Variants in WDR26 observed in about 807,000 individuals in gnomAD.
The protein encoded by WDR26 is WD repeat-containing protein 26.
A neutral mutation model predicts 84.1 loss-of-function variants in WDR26; 5 were observed. The observed-to-expected ratio is 0.06, with a 90% CI of 0.03 to 0.13. The LOEUF is 0.13. Ranked by LOEUF, WDR26 falls within the 10% of genes least tolerant of loss-of-function variation. The probability of loss-of-function intolerance (pLI) is 1.00; values close to 1 mark genes in which losing one functional copy is unlikely to be tolerated. For synonymous variants in WDR26, 415 were observed against 389.6 expected, an observed-to-expected ratio of 1.07 and a Z score of -0.77; for missense variants, 642 against 974.9, an observed-to-expected ratio of 0.66 and a Z score of 4.55.
At chr1:224,408,633 C>CTTTTTTT (rs67639407) in intron 7 of WDR26, among the ~76,000 whole-genome samples, 2 of 115,856 alleles carry the variant, frequency 1.7e-5, no homozygotes, top group African/African-American at 3.1e-5. Flanking sequence ...TCATCCCATT[C>CTTTTTTT]TTTTTTTTTT....
At chr1:224,405,883 G>C (rs1216673775) in intron 7 of WDR26, among the ~76,000 whole-genome samples, 1 of 152,226 alleles carries the variant, frequency 6.6e-6, no homozygotes, top group Non-Finnish European at 1.5e-5. Context: ...GGAATATACA[G>C]TGTGATATTT....
Position 224,389,584 on chromosome 1 carries a change from A to G in WDR26, c.*251T>C. On this transcript the variant is annotated 3_prime_UTR_variant, in exon 14 of 14. Coordinates refer to ENST00000414423, the MANE Select transcript of WDR26 (RefSeq NM_001379403.1). ...CAATGGGTAAGCCTGAATGTAGCAC[A>G]GTTCTTCACAACCGATGGGGGAATA... 1 of 578,008 alleles carries G rather than the reference A, an allele frequency of 1.7e-6. No homozygotes were observed. The highest frequency in any genetic ancestry group is 2.2e-5 in the South Asian group (1 of 45,694). 35.8% of individuals were successfully genotyped at this position (578,008 alleles called of 1,614,324 possible).
intron 3 of WDR26, among the ~76,000 whole-genome samples, chr1:224,426,195 C>T (rs1204501784): frequency 6.6e-6 from 1 of 152,108 alleles, no homozygotes; most frequent in Non-Finnish European, 1.5e-5. Flanking sequence ...AAATACACTG[C>T]TGTCACGAAA....
chr1:224,405,094 T>TC (rs1673516063), intron 7 of WDR26, among the ~76,000 whole-genome samples: 1 of 152,086 alleles, frequency 6.6e-6, no homozygotes, highest in Admixed American at 6.6e-5. Context: ...GCCATACCCC[T>TC]CCCTGCAGCC....
chr1:224,423,956 G>A (rs1246192045), intron 4 of WDR26, among the ~76,000 whole-genome samples: 1 of 152,162 alleles, frequency 6.6e-6, no homozygotes, highest in Non-Finnish European at 1.5e-5. Context: ...ATGTGGCGAG[G>A]TACAGTGACT....
At chr1:224,401,154 C>T in intron 8 of WDR26, 85 bp from the exon 9 acceptor site, 1 of 1,375,756 alleles carries the variant, frequency 7.3e-7, no homozygotes, top group Non-Finnish European at 9.9e-7. Context: ...ACTGGGATGT[C>T]TGGCTGGTTT....
Position 224,424,646 on chromosome 1 carries a change from C to A in WDR26, c.936G>T (p.Lys312Asn). The change falls in exon 4 of 14, where the codon AAG becomes AAT. Residue 312 changes from lysine to asparagine, a missense_variant. Physicochemically the swap from Lys to Asn is moderately conservative, Grantham distance 94. This residue lies in a region of WDR26 where 351 missense variants were observed against 672.8 expected (regional missense o/e 0.52). Transcript: ENST00000414423. ...GGTACTTCTGCTGCAGCAGCAAAAACTTCATCCTCTGACATGACAGAAAGC... is the reference window on the plus strand; with the variant it reads ...GGTACTTCTGCTGCAGCAGCAAAAAATTCATCCTCTGACATGACAGAAAGC... 6.2e-7 allele frequency: 1 copy of A among 1,614,166 alleles called. No individual in the cohort carries two copies. Among genetic ancestry groups the A allele is most frequent in the Non-Finnish European group, 8.5e-7 (1 of 1,180,004 alleles).
At position 224,392,315 on chromosome 1, in the gene WDR26, C is replaced by T. The variant is rs560480896; in HGVS notation, c.2260+1513G>A. Among the ~76,000 whole-genome samples, 60 of 151,180 alleles carry T rather than the reference C, an allele frequency of 4.0e-4. 1 individual carries two copies. The South Asian group carries it at 0.011, about 27-fold the overall frequency. ...GGCGGAGCTTGCAGTGAGCCGAGATCGCACCACTGTACACTGGGAGAGAGC... is the reference window on the plus strand; with the variant it reads ...GGCGGAGCTTGCAGTGAGCCGAGATTGCACCACTGTACACTGGGAGAGAGC... On this transcript the variant is annotated intron_variant, in intron 13 of 13. Coordinates refer to ENST00000414423, the MANE Select transcript of WDR26 (RefSeq NM_001379403.1).
intron 8 of WDR26, 111 bp downstream of exon 8, chr1:224,404,319 T>C (rs1310956242): frequency 1.1e-5 from 14 of 1,300,784 alleles, no homozygotes; most frequent in African/African-American, 3.0e-5. Context: ...AGATACAGTA[T>C]AGTAATTTAG....
chr1:224,421,838 C>G (rs1046852778), intron 4 of WDR26, among the ~76,000 whole-genome samples: 5 of 152,176 alleles, frequency 3.3e-5, no homozygotes, highest in African/African-American at 1.2e-4. Flanking sequence ...ACTTTGGAAT[C>G]AGTCAAACCA....
At chr1:224,426,592 G>A (rs955496205) in intron 3 of WDR26, among the ~76,000 whole-genome samples, 1 of 150,172 alleles carries the variant, frequency 6.7e-6, no homozygotes, top group African/African-American at 2.5e-5. Flanking sequence ...CATACAGCCT[G>A]AAGTTAACCT....
chr1:224,408,319 T>A (rs1340977503), intron 7 of WDR26, among the ~76,000 whole-genome samples: 1 of 152,156 alleles, frequency 6.6e-6, no homozygotes, highest in Non-Finnish European at 1.5e-5. Flanking sequence ...TCCAGTAGGC[T>A]CTCTTTGATG....
chr1:224,414,634 T>C (rs1457130669), intron 6 of WDR26, among the ~76,000 whole-genome samples: 1 of 152,084 alleles, frequency 6.6e-6, no homozygotes, highest in Non-Finnish European at 1.5e-5. Context: ...AAGAAAGTAA[T>C]AAAAATTAGC....
At chr1:224,392,844 G>A (rs572258821) in intron 13 of WDR26, among the ~76,000 whole-genome samples, 1 of 150,552 alleles carries the variant, frequency 6.6e-6, no homozygotes, top group Non-Finnish European at 1.5e-5. Context: ...ATGCTACTCC[G>A]ATAACCCTCC....
chr1:224,397,966 A>C, intron 12 of WDR26, 131 bp downstream of exon 12: 1 of 1,084,050 alleles, frequency 9.2e-7, no homozygotes, highest in South Asian at 1.5e-5. Context: ...AGAGAAATTA[A>C]CCGTGTATTG....
At chr1:224,397,613 A>C (rs768140090) in intron 12 of WDR26, 2 of 152,542 alleles carry the variant, frequency 1.3e-5, no homozygotes, top group Admixed American at 6.5e-5. Flanking sequence ...AAACTCAATT[A>C]TAACTCTGGT....
chr1:224,389,891 G>T, intron 13 of WDR26, 31 bp from the exon 14 acceptor site: 4 of 1,366,154 alleles, frequency 2.9e-6, no homozygotes, highest in Non-Finnish European at 4.0e-6. Context: ...ATGTATGGGG[G>T]GCGGGCGGGG....
chr1:224,432,103 C>A (rs1326199555), intron 1 of WDR26, among the ~76,000 whole-genome samples: 1 of 152,176 alleles, frequency 6.6e-6, no homozygotes, highest in Middle Eastern at 3.4e-3. Flanking sequence ...AATGAAAAAC[C>A]AGAATCAACA....
At position 224,414,816 on chromosome 1, in the gene WDR26, C is replaced by CAAA. The variant is rs34111301; in HGVS notation, c.1320-3254_1320-3252dup. Among the ~76,000 whole-genome samples, 5 of 151,418 alleles carry CAAA rather than the reference C, an allele frequency of 3.3e-5. No homozygotes were observed. The South Asian group carries it at 8.3e-4, about 25-fold the overall frequency. On this transcript the variant is annotated intron_variant, in intron 6 of 13. Coordinates refer to ENST00000414423, the MANE Select transcript of WDR26 (RefSeq NM_001379403.1). The stretch of plus-strand genomic sequence containing the variant: ...GCAACACAGTGAGCAACCCCATCTC[C>CAAA]AAAAAAAAGAAACCACAAAACAACA...
Sources: gnomAD v4.1 joint callset for allele counts (sites outside exome capture counted in the v4.1 genomes callset) on GRCh38, gnomAD v4.1.1 for gene constraint, gnomAD v4.1.1 regional missense constraint, MANE v1.5 for transcripts, NCBI Gene and HGNC (gene_info 2026-07-23, HGNC 2026-07-21) for gene names.